Variants in MBTPS2 observed in about 807,000 individuals in gnomAD.
The protein encoded by MBTPS2 is membrane-bound transcription factor site-2 protease.
In MBTPS2, 2 loss-of-function variants were observed where a neutral mutation model predicts 35.4. The observed-to-expected ratio is 0.06, with a 90% CI of 0.02 to 0.18. The LOEUF (loss-of-function observed/expected upper bound fraction) is 0.18, where lower values mean the gene tolerates loss of function less well. Ranked by LOEUF, MBTPS2 falls within the 10% of genes least tolerant of loss-of-function variation. The probability of loss-of-function intolerance (pLI) is 1.00; values close to 1 mark genes in which losing one functional copy is unlikely to be tolerated. For missense variants in MBTPS2, 244 were observed against 386.5 expected, an observed-to-expected ratio of 0.63 and a Z score of 3.09; for synonymous variants, 125 against 140.4, an observed-to-expected ratio of 0.89 and a Z score of 0.77.
Position 21,885,157 on chromosome X carries a change from C to G in MBTPS2, c.*2502C>G, listed in dbSNP as rs1236675549. The G allele has an allele frequency of 1.3e-6, 1 of 751,484 alleles. No homozygotes were observed. Among genetic ancestry groups the G allele is most frequent in the African/African-American group, 2.3e-5 (1 of 43,072 alleles). The allele number at this position is 751,484 out of a possible 1,213,427, so 61.9% of individuals were successfully genotyped here. A position where few individuals can be genotyped will look rare whatever the true frequency, so the allele number is the denominator to read the frequency against. The stretch of plus-strand genomic sequence containing the variant: ...TGAAAAGACATGCAGTTAAACTTGA[C>G]CTTTTGATAATCGCTCTTACAGGTC... On this transcript the variant is annotated 3_prime_UTR_variant, in exon 11 of 11. Coordinates refer to ENST00000379484, the MANE Select transcript of MBTPS2 (RefSeq NM_015884.4).
At chrX:21,865,732 A>C (rs1270737399) in intron 5 of MBTPS2, among the ~76,000 whole-genome samples, 2 of 112,450 alleles carry the variant, frequency 1.8e-5, no homozygotes, top group African/African-American at 6.5e-5. Context: ...TATTTTACCT[A>C]TTCAGTCATC....
In MBTPS2 at chrX:21,867,885, C is replaced by T. The variant is rs761717310; in HGVS notation, c.671-582C>T. 3.6e-5 allele frequency among the ~76,000 whole-genome samples: 4 copies of T among 109,833 alleles called. No homozygotes were observed. The South Asian group carries it at 1.2e-3, about 32-fold the overall frequency. ...TGATCTCCTGACCTCGTGATCCGCC[C>T]GCCCTGGCCTCCCAAAGTGCTGGGA... On this transcript the variant is annotated intron_variant, in intron 5 of 10. Coordinates refer to ENST00000379484, the MANE Select transcript of MBTPS2 (RefSeq NM_015884.4).
At position 21,843,841 on chromosome X, in the gene MBTPS2, G is replaced by A. The variant is rs767849832; in HGVS notation, c.224+523G>A. On this transcript the variant is annotated intron_variant, in intron 2 of 10. Coordinates refer to ENST00000379484, the MANE Select transcript of MBTPS2 (RefSeq NM_015884.4). ...TTTGAAAATATTAATTGGGCCGGGC[G>A]CAGTGGTTCACACCTGTAATCCCAG... Among the ~76,000 whole-genome samples the A allele has an allele frequency of 1.2e-4, 13 of 111,293 alleles. No individual in the cohort carries two copies. The East Asian group carries it at 1.7e-3, about 14-fold the overall frequency.
In MBTPS2 at chrX:21,857,870, A is replaced by C. The variant is rs2092925583; in HGVS notation, c.670+4367A>C. Reference sequence around the variant, plus strand: ...AAAGTTTGGTCCCAACAGGAGAAAAATTCGTAGACTTCACATCAAGAGACG... The same window carrying C: ...AAAGTTTGGTCCCAACAGGAGAAAACTTCGTAGACTTCACATCAAGAGACG... On this transcript the variant is annotated intron_variant, in intron 5 of 10. Coordinates refer to ENST00000379484, the MANE Select transcript of MBTPS2 (RefSeq NM_015884.4). 6.6e-5 allele frequency: 18 copies of C among 271,821 alleles called. No individual in the cohort carries two copies. In the South Asian group the frequency reaches 3.0e-3, roughly 45 times the overall value. The allele number at this position is 271,821 out of a possible 1,213,427, so 22.4% of individuals were successfully genotyped here.
chrX:21,851,462 C>T (rs1231290040), intron 3 of MBTPS2, 47 bp from the exon 4 acceptor site: 1 of 800,357 alleles, frequency 1.2e-6, no homozygotes, highest in Non-Finnish European at 1.9e-6. Flanking sequence ...AGTGGGACTC[C>T]CCTGCACCCC....
chrX:21,876,024 A>G (rs926033177), intron 7 of MBTPS2, among the ~76,000 whole-genome samples: 6 of 112,079 alleles, frequency 5.4e-5, no homozygotes, highest in Non-Finnish European at 1.1e-4. Context: ...ATAGGTAAGG[A>G]GAAAAATGAG....
intron 5 of MBTPS2, chrX:21,856,600 G>T (rs766108728): frequency 8.3e-7 from 1 of 1,212,117 alleles, no homozygotes; most frequent in Admixed American, 2.2e-5. Context: ...CCGACGGAAA[G>T]CGTCCAGTAC....
chrX:21,862,013 G>A (rs944587120), intron 5 of MBTPS2, among the ~76,000 whole-genome samples: 5 of 111,226 alleles, frequency 4.5e-5, no homozygotes, highest in East Asian at 5.6e-4. Flanking sequence ...AGTGTTGATC[G>A]GATAACTCTG....
rs781386053 is a variant in MBTPS2 at position 21,876,564 on chromosome X, C to CAA, written c.971-1465_971-1464dup. Among the ~76,000 whole-genome samples, 291 of 79,120 alleles carry CAA rather than the reference C, an allele frequency of 3.7e-3. 1 individual carries two copies. The highest frequency in any genetic ancestry group is 0.012 in the African/African-American group (265 of 22,304). The allele number at this position is 79,120 out of a possible 115,157, so 68.7% of individuals were successfully genotyped here. ...TGGGTGACAGAGTGAGACTCTGTCT[C>CAA]AAAAAAAAAAAAAAGAAAACAGAAC... On this transcript the variant is annotated intron_variant, in intron 7 of 10. Transcript: ENST00000379484.
Position 21,840,376 on chromosome X carries a change from CACAGAGTGTACTTCAA to C in MBTPS2, c.75+569_75+584del, listed in dbSNP as rs2092901429. On this transcript the variant is annotated intron_variant, in intron 1 of 10. Transcript: ENST00000379484. ...CCAAGTGCTACTGATGCTGCCAGAT[CACAGAGTGTACTTCAA>C]AGTAGCACACTCAAATAGCAAGGAT... 1.2e-4 allele frequency among the ~76,000 whole-genome samples: 13 copies of C among 112,278 alleles called. No individual in the cohort carries two copies. In the South Asian group the frequency reaches 4.9e-3, roughly 42 times the overall value.
At chrX:21,840,732 A>G (rs2092901727) in intron 1 of MBTPS2, among the ~76,000 whole-genome samples, 1 of 112,462 alleles carries the variant, frequency 8.9e-6, no homozygotes, top group Non-Finnish European at 1.9e-5. Context: ...AAACCATAGT[A>G]TTGCATGTTT....
intron 5 of MBTPS2, chrX:21,856,251 C>T (rs1196263849): frequency 9.8e-6 from 4 of 407,533 alleles, no homozygotes; most frequent in Non-Finnish European, 1.7e-5. Context: ...GAAGCACCTG[C>T]GCCTTCCGGC....
At chrX:21,853,030 C>T (rs906985712) in intron 4 of MBTPS2, among the ~76,000 whole-genome samples, 9 of 110,609 alleles carry the variant, frequency 8.1e-5, no homozygotes, top group African/African-American at 2.9e-4. Context: ...TCAGAGTAAA[C>T]CATAAAAATG....
chrX:21,881,082 G>A, intron 10 of MBTPS2, 110 bp downstream of exon 10: 3 of 564,362 alleles, frequency 5.3e-6, no homozygotes, highest in Non-Finnish European at 9.4e-6. Context: ...TCACTTAATT[G>A]CTAACAACTA....
chrX:21,879,182 A>T (rs1461767622), intron 9 of MBTPS2, among the ~76,000 whole-genome samples: 1 of 112,309 alleles, frequency 8.9e-6, no homozygotes, highest in African/African-American at 3.2e-5. Context: ...GCTAAAGATC[A>T]TGTAGTCTAA....
chrX:21,860,585 C>T (rs965541061), intron 5 of MBTPS2, among the ~76,000 whole-genome samples: 6 of 112,091 alleles, frequency 5.4e-5, no homozygotes, highest in Non-Finnish European at 1.9e-5. Context: ...CTCATTGCCG[C>T]TTAACCAGCA....
intron 1 of MBTPS2, among the ~76,000 whole-genome samples, chrX:21,840,697 T>C (rs2092901693): frequency 8.9e-6 from 1 of 112,474 alleles, no homozygotes; most frequent in Non-Finnish European, 1.9e-5. Context: ...AAAATCTTCA[T>C]GTTATGAATA....
chrX:21,856,595 G>A (rs1389698687), intron 5 of MBTPS2: 19 of 1,210,392 alleles, frequency 1.6e-5, no homozygotes, highest in Admixed American at 8.7e-5. Context: ...ACATTCCGAC[G>A]GAAAGCGTCC....
intron 5 of MBTPS2, among the ~76,000 whole-genome samples, chrX:21,867,002 G>A (rs2092940736): frequency 1.0e-5 from 1 of 95,407 alleles, no homozygotes; most frequent in Non-Finnish European, 2.1e-5. Flanking sequence ...GGGCAACAGA[G>A]CGTGACTCTG....
Sources: allele counts gnomAD v4.1 joint callset (sites outside exome capture counted in the v4.1 genomes callset), GRCh38; gene constraint gnomAD v4.1.1; transcripts MANE v1.5; gene names NCBI Gene and HGNC (gene_info 2026-07-23, HGNC 2026-07-21).